ADGRV1: variants seen among roughly 807,000 people sequenced by gnomAD.
ADGRV1 encodes the protein G-protein coupled receptor 98.
A neutral mutation model predicts 596.2 loss-of-function variants in ADGRV1; 359 were observed. That is an observed-to-expected ratio of 0.60 (90% CI 0.55 to 0.66). The LOEUF (loss-of-function observed/expected upper bound fraction) is 0.66, where lower values mean the gene tolerates loss of function less well. Ranked by LOEUF, ADGRV1 falls within the 30% of genes least tolerant of loss-of-function variation. The pLI, the probability that ADGRV1 is intolerant of heterozygous loss-of-function variation, is 0.00. For missense variants in ADGRV1, 7,274 were observed against 7,575.6 expected (o/e 0.96, Z 1.48); for synonymous variants, 2,681 against 2,679.2 (o/e 1.00, Z -0.02).
intron 1 of ADGRV1, among the ~76,000 whole-genome samples, chr5:90,581,014 A>G (rs1281155537): frequency 3.9e-5 from 6 of 152,140 alleles, no homozygotes; most frequent in African/African-American, 7.2e-5. Flanking sequence ...ATCTTCAATC[A>G]CTGTTATCCT....
intron 1 of ADGRV1, among the ~76,000 whole-genome samples, chr5:90,607,523 C>T (rs572105692): frequency 2.0e-5 from 3 of 152,182 alleles, no homozygotes; most frequent in South Asian, 4.2e-4. Context: ...ATATGATGAT[C>T]GAATTCAGAG....
At chr5:90,729,815 G>A in intron 50 of ADGRV1, 51 bp downstream of exon 50, 2 of 1,572,476 alleles carry the variant, frequency 1.3e-6, no homozygotes, top group Non-Finnish European at 8.7e-7. Context: ...TGGAAAGCCA[G>A]AATGATTTTA....
In ADGRV1 at chr5:90,799,315, C is replaced by A. The variant is rs534044059; in HGVS notation, c.14518-3424C>A. ...AACAGAGAGCCAGATCACGAGTGAA[C>A]TCCCATTCCCAATTGCTACTAAGAG... On this transcript the variant is annotated intron_variant, in intron 70 of 89. Coordinates refer to ENST00000405460, the MANE Select transcript of ADGRV1 (RefSeq NM_032119.4). 2.0e-5 allele frequency among the ~76,000 whole-genome samples: 3 copies of A among 152,286 alleles called. No homozygotes were observed. The East Asian group carries it at 5.8e-4, about 29-fold the overall frequency.
chr5:90,706,024 C>G (rs1748544490), intron 37 of ADGRV1, among the ~76,000 whole-genome samples: 2 of 152,066 alleles, frequency 1.3e-5, no homozygotes, highest in Admixed American at 6.6e-5. Context: ...AATTCAAAGT[C>G]TAGAGGCAGG....
At chr5:90,922,029 C>T (rs1036964316) in intron 83 of ADGRV1, among the ~76,000 whole-genome samples, 1 of 152,078 alleles carries the variant, frequency 6.6e-6, no homozygotes, top group Admixed American at 6.6e-5. Flanking sequence ...AGAAAAACAG[C>T]ACCTAAGTGG....
chr5:90,984,112 T>C (rs1018497712), intron 84 of ADGRV1, among the ~76,000 whole-genome samples: 3 of 152,212 alleles, frequency 2.0e-5, no homozygotes, highest in Non-Finnish European at 4.4e-5. Flanking sequence ...TATAATAACC[T>C]TGTTGTATAC....
chr5:90,644,976 A>G (rs2149437130), intron 15 of ADGRV1, 107 bp downstream of exon 15: 1 of 831,288 alleles, frequency 1.2e-6, no homozygotes, highest in Non-Finnish European at 1.8e-6. Context: ...AAAAGTTTGT[A>G]ATAAAGAACT....
In ADGRV1 at chr5:90,750,569, G is replaced by A; in HGVS notation, c.10993G>A (p.Val3665Met). 6.2e-7 allele frequency: 1 copy of A among 1,608,844 alleles called. No homozygotes were observed. Among genetic ancestry groups the A allele is most frequent in the Non-Finnish European group, 8.5e-7 (1 of 1,177,074 alleles). ...AFAQNSLYKQ[V>M]EEMEQDSLVT... ...TTTTCAGAATTCATTATATAAGCAA[G>A]TGGAAGAAATGGAGCAAGATAGCCT... Residue 3665 changes from valine (V) to methionine (M), a missense_variant, in exon 53 of 90, where the codon GTG (valine) becomes ATG (methionine). By Grantham distance (21) the Val-to-Met change is conservative (BLOSUM62 1). Coordinates refer to ENST00000405460, the MANE Select transcript of ADGRV1 (RefSeq NM_032119.4).
intron 83 of ADGRV1, among the ~76,000 whole-genome samples, chr5:90,945,194 G>A (rs1581594327): frequency 1.3e-5 from 2 of 151,950 alleles, no homozygotes; most frequent in East Asian, 1.9e-4. Context: ...AAACCACAGG[G>A]CACTTCATGG....
chr5:91,126,713 G>A lies in ADGRV1; in HGVS notation c.18433-23317G>A, dbSNP rs192376289. On this transcript the variant is annotated intron_variant, in intron 87 of 89. Coordinates refer to ENST00000405460, the MANE Select transcript of ADGRV1 (RefSeq NM_032119.4). ...TTGCTTCTTGTAAGTTTTCTCAGTG[G>A]AAGGGTTCCAAGTTATGACTTAATC... 2.4e-3 allele frequency among the ~76,000 whole-genome samples: 372 copies of A among 152,292 alleles called. 2 individuals are homozygous for A. Among genetic ancestry groups the A allele is most frequent in the South Asian group, 6.2e-3 (30 of 4,830 alleles).
intron 21 of ADGRV1, among the ~76,000 whole-genome samples, chr5:90,667,602 C>G (rs1385641102): frequency 2.7e-5 from 4 of 150,460 alleles, no homozygotes; most frequent in African/African-American, 7.4e-5. Flanking sequence ...AAGCCTTCTT[C>G]TCTCAGCTGG....
At chr5:90,904,750 T>A (rs1367443507) in intron 83 of ADGRV1, among the ~76,000 whole-genome samples, 1 of 152,050 alleles carries the variant, frequency 6.6e-6, no homozygotes, top group Non-Finnish European at 1.5e-5. Flanking sequence ...TGTGATCCTG[T>A]TTGTCCGTTT....
intron 85 of ADGRV1, among the ~76,000 whole-genome samples, chr5:91,013,422 G>GTA: frequency 1.3e-5 from 2 of 152,042 alleles, no homozygotes; most frequent in East Asian, 3.9e-4. Context: ...GTGTAAGATG[G>GTA]TATCTCATTG....
At chr5:90,920,084 C>T (rs531745619) in intron 83 of ADGRV1, among the ~76,000 whole-genome samples, 1 of 151,562 alleles carries the variant, frequency 6.6e-6, no homozygotes, top group East Asian at 1.9e-4. Context: ...TAACAAATTA[C>T]CATGGGCTGT....
rs764133411 is a variant in ADGRV1 at position 90,823,501 on chromosome 5, A to G, written c.16273A>G (p.Asn5425Asp). The G allele has an allele frequency of 3.7e-6, 6 of 1,613,866 alleles. No homozygotes were observed. In the Admixed American group the frequency reaches 6.7e-5, roughly 18 times the overall value. ...CGTCGTGCTCCAGAAGGATGGGGTA[A>G]ACCTGGTGGAGGAACTTCAGTCTGT... Reference protein sequence around the residue: ...TVVVLQKDGVNLVEELQSVSG... With the variant: ...TVVVLQKDGVDLVEELQSVSG... The change falls in exon 76 of 90, where the codon AAC (asparagine) becomes GAC (aspartate). Residue 5425 changes from asparagine (N) to aspartate (D), a missense_variant. Asn to Asp is a conservative substitution (Grantham distance 23). Coordinates refer to ENST00000405460, the MANE Select transcript of ADGRV1 (RefSeq NM_032119.4).
chr5:90,572,793 T>G (rs2151958679), intron 1 of ADGRV1, among the ~76,000 whole-genome samples: 1 of 152,280 alleles, frequency 6.6e-6, no homozygotes, highest in African/African-American at 2.4e-5. Flanking sequence ...AAGGATCTCC[T>G]GTACTGTGAG....
rs368086521 is a variant in ADGRV1 at position 90,755,031 on chromosome 5, T to A, written c.11426T>A (p.Leu3809His). Reference sequence around the variant, plus strand: ...CAAATAGCTCGAGATAAAGGACTACTTGGGGATATTGCCATTCACTTGAGA... The same window carrying A: ...CAAATAGCTCGAGATAAAGGACTACATGGGGATATTGCCATTCACTTGAGA... Reference protein sequence around the residue: ...QLQIARDKGLLGDIAIHLRAQ... With the variant: ...QLQIARDKGLHGDIAIHLRAQ... Residue 3809 changes from leucine to histidine, a missense_variant, in exon 55 of 90, where the codon CTT becomes CAT. Coordinates refer to ENST00000405460, the MANE Select transcript of ADGRV1 (RefSeq NM_032119.4). The A allele has an allele frequency of 5.6e-6, 9 of 1,613,432 alleles. No homozygotes were observed. The highest frequency in any genetic ancestry group is 4.4e-5 in the South Asian group (4 of 91,076).
intron 87 of ADGRV1, among the ~76,000 whole-genome samples, chr5:91,120,304 G>A (rs1158643110): frequency 6.6e-6 from 1 of 152,156 alleles, no homozygotes; most frequent in African/African-American, 2.4e-5. Context: ...AGAGAAGCCA[G>A]AAACCAGATT....
intron 22 of ADGRV1, among the ~76,000 whole-genome samples, chr5:90,673,520 T>C (rs892067985): frequency 2.6e-5 from 4 of 152,310 alleles, no homozygotes; most frequent in East Asian, 3.9e-4. Context: ...GGGTAACTTA[T>C]AAACAACAGA....
Sources: allele counts gnomAD v4.1 joint callset (sites outside exome capture counted in the v4.1 genomes callset), GRCh38; gene constraint gnomAD v4.1.1; transcripts MANE v1.5; gene names NCBI Gene and HGNC (gene_info 2026-07-23, HGNC 2026-07-21).